ST6GAL1: variants seen among roughly 807,000 people sequenced by gnomAD.
The protein encoded by ST6GAL1 is beta-galactoside alpha-2,6-sialyltransferase 1.
Under a neutral mutation model 38.0 loss-of-function variants are expected in ST6GAL1, and 20 were observed. The ratio of observed to expected loss-of-function variants is 0.53; its 90% confidence interval spans 0.37 to 0.77. The LOEUF is 0.77. Among genes scored for constraint, ST6GAL1 ranks in the 30% least tolerant of loss-of-function variants. The probability of loss-of-function intolerance (pLI) is 0.00; values close to 1 mark genes in which losing one functional copy is unlikely to be tolerated. For missense variants in ST6GAL1, 432 were observed against 496.4 expected (o/e 0.87, Z 1.23); for synonymous variants, 196 against 188.2 (o/e 1.04, Z -0.34).
At chr3:187,021,950 T>C (rs1717321537) in intron 2 of ST6GAL1, 1 of 152,160 alleles carries the variant, frequency 6.6e-6, no homozygotes, top group Admixed American at 6.5e-5. Flanking sequence ...TACCTTGCTC[T>C]ACACATCTCT....
intron 2 of ST6GAL1, among the ~76,000 whole-genome samples, chr3:186,980,273 C>T (rs1392062116): frequency 7.2e-5 from 11 of 152,110 alleles, no homozygotes; most frequent in Admixed American, 7.2e-4. Flanking sequence ...GCAGCGGGCA[C>T]CCTGGATGAT....
intron 2 of ST6GAL1, among the ~76,000 whole-genome samples, chr3:186,984,915 T>G (rs1177851286): frequency 6.7e-6 from 1 of 150,334 alleles, no homozygotes; most frequent in African/African-American, 2.5e-5. Context: ...TCTCTCTCTT[T>G]TCTTTCTTTC....
chr3:187,034,008 A>G (rs1717842194), intron 2 of ST6GAL1, among the ~76,000 whole-genome samples: 1 of 152,204 alleles, frequency 6.6e-6, no homozygotes, highest in Admixed American at 6.5e-5. Flanking sequence ...TTGGTAAACC[A>G]TTAGCTAGAT....
In ST6GAL1 at chr3:186,939,272, C is replaced by CT. The variant is rs1179600215; in HGVS notation, c.-325+8439dup. ...TTATTTTTTTTGTAGAGATGGGTGT[C>CT]TCACCGTGTTGCCCAGGCTTGAACT... is the stretch of plus-strand genomic sequence containing the variant. On this transcript the variant is annotated intron_variant, in intron 1 of 7. Transcript: ENST00000169298. 2.6e-5 allele frequency among the ~76,000 whole-genome samples: 4 copies of CT among 151,942 alleles called. No individual in the cohort carries two copies. In the East Asian group the frequency reaches 7.7e-4, roughly 29 times the overall value.
intron 1 of ST6GAL1, among the ~76,000 whole-genome samples, chr3:186,940,789 T>G (rs1169239260): frequency 3.3e-5 from 5 of 151,926 alleles, no homozygotes; most frequent in Non-Finnish European, 7.4e-5. Context: ...CAGTGTTTTT[T>G]TTTTTTTTTT....
At chr3:186,941,140 C>T (rs951380526) in intron 1 of ST6GAL1, among the ~76,000 whole-genome samples, 2 of 152,198 alleles carry the variant, frequency 1.3e-5, no homozygotes, top group Non-Finnish European at 1.5e-5. Context: ...CACTGAGCTG[C>T]GTCATCACGT....
At chr3:186,951,931 CAT>C (rs1333362158) in intron 1 of ST6GAL1, among the ~76,000 whole-genome samples, 3 of 152,194 alleles carry the variant, frequency 2.0e-5, no homozygotes, top group Non-Finnish European at 2.9e-5. Context: ...ACCGTGTCCT[CAT>C]GTGCTAACAG....
intron 2 of ST6GAL1, among the ~76,000 whole-genome samples, chr3:187,037,455 G>GTATT (rs1717968022): frequency 6.6e-6 from 1 of 152,066 alleles, no homozygotes; most frequent in Non-Finnish European, 1.5e-5. Flanking sequence ...TGTAGTTACA[G>GTATT]TATTTTTCAT....
At chr3:186,950,961 AT>A (rs1714555351) in intron 1 of ST6GAL1, among the ~76,000 whole-genome samples, 1 of 152,174 alleles carries the variant, frequency 6.6e-6, no homozygotes, top group Non-Finnish European at 1.5e-5. Context: ...CAAGTATCTC[AT>A]TTAGCCCTGG....
At chr3:187,042,558 C>T (rs1718161259) in intron 3 of ST6GAL1, 96 bp from the exon 4 acceptor site, 2 of 1,206,744 alleles carry the variant, frequency 1.7e-6, no homozygotes, top group Non-Finnish European at 2.3e-6. Context: ...TTCAAGTCAC[C>T]TCATTTCAAA....
intron 2 of ST6GAL1, among the ~76,000 whole-genome samples, chr3:186,973,181 G>A (rs1156645025): frequency 5.9e-5 from 9 of 152,188 alleles, no homozygotes; most frequent in Admixed American, 5.2e-4. Flanking sequence ...GATTGCAGGC[G>A]CCCGCCATCA....
At chr3:187,064,492 G>A (rs1467655105) in intron 5 of ST6GAL1, 1 of 455,828 alleles carries the variant, frequency 2.2e-6, no homozygotes, top group Non-Finnish European at 4.4e-6. Flanking sequence ...TTCTACTGAA[G>A]CAGATTTTTT....
chr3:186,933,179 C>T (rs376667841), intron 1 of ST6GAL1, among the ~76,000 whole-genome samples: 132 of 152,316 alleles, frequency 8.7e-4, no homozygotes, highest in African/African-American at 2.9e-3. Flanking sequence ...TTCTACGCTG[C>T]CGTGCCCACC....
chr3:186,956,864 T>C (rs1213300365), intron 1 of ST6GAL1, among the ~76,000 whole-genome samples: 2 of 152,128 alleles, frequency 1.3e-5, no homozygotes, highest in Admixed American at 6.5e-5. Flanking sequence ...GTTTGAAACA[T>C]GAAAGGCAGA....
intron 2 of ST6GAL1, among the ~76,000 whole-genome samples, chr3:187,030,991 T>A (rs1579339097): frequency 6.6e-6 from 1 of 152,046 alleles, no homozygotes; most frequent in Non-Finnish European, 1.5e-5. Context: ...GGAGGGATGG[T>A]GTCAGGAGCT....
chr3:186,948,749 G>A (rs1714474333), intron 1 of ST6GAL1: 1 of 152,490 alleles, frequency 6.6e-6, no homozygotes, highest in Admixed American at 6.5e-5. Context: ...AAAGGAGAGA[G>A]AAGACCTCCG....
At chr3:186,956,530 G>A (rs1395608847) in intron 1 of ST6GAL1, among the ~76,000 whole-genome samples, 1 of 152,320 alleles carries the variant, frequency 6.6e-6, no homozygotes, top group East Asian at 1.9e-4. Context: ...AAGTCCACAT[G>A]CTCACCAGCG....
At chr3:186,999,103 G>T (rs544154577) in intron 2 of ST6GAL1, among the ~76,000 whole-genome samples, 5 of 152,208 alleles carry the variant, frequency 3.3e-5, no homozygotes, top group Admixed American at 6.5e-5. Flanking sequence ...TGTTAAACTT[G>T]CTCTTGTGGA....
intron 2 of ST6GAL1, among the ~76,000 whole-genome samples, chr3:186,995,534 AAAAT>A (rs1716373274): frequency 6.7e-6 from 1 of 149,170 alleles, no homozygotes; most frequent in African/African-American, 2.5e-5. Flanking sequence ...AAATAAAAAA[AAAAT>A]AAAGAAATTG....
Sources: gnomAD v4.1 joint callset for allele counts (sites outside exome capture counted in the v4.1 genomes callset) on GRCh38, gnomAD v4.1.1 for gene constraint, MANE v1.5 for transcripts, NCBI Gene and HGNC (gene_info 2026-07-23, HGNC 2026-07-21) for gene names.